The following SMC3 variants were observed in gnomAD, a reference collection of about 807,000 sequenced individuals.
SMC3 encodes structural maintenance of chromosomes protein 3.
SMC3 carries 20 observed loss-of-function variants against 171.8 expected under a neutral mutation model. The observed-to-expected ratio is 0.12, with a 90% confidence interval of 0.08 to 0.17. The LOEUF is 0.17. SMC3 is among the 10% of genes least tolerant of loss of function. The pLI is 1.00. For missense variants in SMC3, 543 were observed against 1,420.4 expected (o/e 0.38, Z 9.93); for synonymous variants, 464 against 451.1 (o/e 1.03, Z -0.36).
Position 110,583,369 on chromosome 10 carries a change from A to T in SMC3, c.805-15A>T. ...CTTCTAATTGCCTTATTTTCTGTTT[A>T]ATACTTTTGAATAGGATATCGAACG... On this transcript the variant is annotated splice_polypyrimidine_tract_variant and intron_variant, in intron 10 of 28. Coordinates refer to ENST00000361804, the MANE Select transcript of SMC3 (RefSeq NM_005445.4). The T allele has an allele frequency of 1.2e-6, 2 of 1,605,944 alleles. No homozygotes were observed. The highest frequency in any genetic ancestry group is 1.7e-6 in the Non-Finnish European group (2 of 1,173,814).
chr10:110,574,095 A>G (rs537057425), intron 3 of SMC3, among the ~76,000 whole-genome samples: 2 of 152,358 alleles, frequency 1.3e-5, no homozygotes, highest in Non-Finnish European at 2.9e-5. Context: ...GTAATATATA[A>G]ATGTTATAAA....
At chr10:110,597,418 A>G (rs1043434670) in intron 19 of SMC3, among the ~76,000 whole-genome samples, 6 of 152,216 alleles carry the variant, frequency 3.9e-5, no homozygotes, top group African/African-American at 1.4e-4. Flanking sequence ...TTTGCCACAC[A>G]AGTTGAAAAA....
At chr10:110,601,933 T>C in intron 24 of SMC3, 33 bp from the exon 25 acceptor site, 1 of 1,606,956 alleles carries the variant, frequency 6.2e-7, no homozygotes. Context: ...GTATATAAAT[T>C]TATTTATATG....
At chr10:110,598,921 T>A (rs1467154822) in intron 20 of SMC3, among the ~76,000 whole-genome samples, 1 of 152,176 alleles carries the variant, frequency 6.6e-6, no homozygotes, top group Non-Finnish European at 1.5e-5. Context: ...TGATTCCGTT[T>A]TGTCCAGATT....
chr10:110,575,325 T>G lies in SMC3; in HGVS notation c.131-11T>G, dbSNP rs1273135626. The stretch of plus-strand genomic sequence containing the variant: ...TTTAGGGTATACTAATAGTTGTTTT[T>G]GTATTTCCAGCAATTCAGTTTGTTC... On this transcript the variant is annotated splice_polypyrimidine_tract_variant and intron_variant, in intron 3 of 28. Coordinates refer to ENST00000361804, the MANE Select transcript of SMC3 (RefSeq NM_005445.4). 1 of 1,611,450 alleles carries G rather than the reference T, an allele frequency of 6.2e-7. No individual in the cohort carries two copies. Among genetic ancestry groups the G allele is most frequent in the Admixed American group, 1.7e-5 (1 of 60,020 alleles).
At chr10:110,592,333 G>A (rs927414821) in intron 17 of SMC3, among the ~76,000 whole-genome samples, 2 of 152,058 alleles carry the variant, frequency 1.3e-5, no homozygotes, top group Admixed American at 6.6e-5. Flanking sequence ...GGCAGTGGTC[G>A]TTTCTCGCAG....
chr10:110,569,056 A>G (rs768621916), intron 2 of SMC3, 43 bp downstream of exon 2: 1 of 1,205,698 alleles, frequency 8.3e-7, no homozygotes, highest in South Asian at 1.2e-5. Context: ...TAGTCTATAC[A>G]GATAATGTAA....
Position 110,567,750 on chromosome 10 carries a change from C to G in SMC3, c.-67C>G. ...GGGGAGGGGTCGCGTAGGCGCCTCA[C>G]CTGACCCTGCGGCCGTGCGGTTGCT... On this transcript the variant is annotated 5_prime_UTR_variant, in exon 1 of 29. Transcript: ENST00000361804. 5 of 1,603,298 alleles carry G rather than the reference C, an allele frequency of 3.1e-6. No homozygotes were observed. In the South Asian group the frequency reaches 3.3e-5, roughly 11 times the overall value.
At chr10:110,601,172 T>C in intron 23 of SMC3, 42 bp downstream of exon 23, 1 of 1,367,740 alleles carries the variant, frequency 7.3e-7, no homozygotes, top group Non-Finnish European at 1.0e-6. Flanking sequence ...ATGCATGTTT[T>C]ATAAAATTGT....
At chr10:110,588,622 T>A (rs1369135076) in intron 13 of SMC3, among the ~76,000 whole-genome samples, 3 of 152,216 alleles carry the variant, frequency 2.0e-5, no homozygotes, top group African/African-American at 7.2e-5. Context: ...CCAGCTCTTC[T>A]AAGAATGCCT....
rs557162352 is a variant in SMC3, at chr10:110,568,332, C to T, written c.15+501C>T. ...TCACTGCGGGGAGCCGTTCTTCTCC[C>T]CAGTTAACCCGCGAAGTGAGCGGGA... On this transcript the variant is annotated intron_variant, in intron 1 of 28. Transcript: ENST00000361804. The T allele has an allele frequency of 2.3e-3, 418 of 178,176 alleles. 2 individuals carry two copies. Among genetic ancestry groups the T allele is most frequent in the African/African-American group, 9.1e-3 (380 of 41,934 alleles). The allele number at this position is 178,176 out of a possible 1,614,324, so 11.0% of individuals were successfully genotyped here.
chr10:110,587,357 T>C (rs1265571506), intron 13 of SMC3, among the ~76,000 whole-genome samples: 1 of 152,042 alleles, frequency 6.6e-6, no homozygotes, highest in African/African-American at 2.4e-5. Context: ...CAGATACACC[T>C]GGAAAAAAAC....
At chr10:110,597,213 G>A (rs1861314330) in intron 19 of SMC3, among the ~76,000 whole-genome samples, 7 of 150,744 alleles carry the variant, frequency 4.6e-5, no homozygotes, top group Admixed American at 4.6e-4. Flanking sequence ...GTTATTTGGT[G>A]CAGATTTAAT....
intron 1 of SMC3, among the ~76,000 whole-genome samples, chr10:110,568,171 GGCGGCC>G (rs1860806041): frequency 6.6e-6 from 1 of 152,090 alleles, no homozygotes; most frequent in African/African-American, 2.4e-5. Flanking sequence ...ACCCCGCCGG[GGCGGCC>G]GCGGGCGGGA....
chr10:110,598,310 G>A lies in SMC3; in HGVS notation c.2268+20G>A, dbSNP rs1346475656. 1 of 1,607,616 alleles carries A rather than the reference G, an allele frequency of 6.2e-7. No homozygotes were observed. Among genetic ancestry groups the A allele is most frequent in the Admixed American group, 1.7e-5 (1 of 60,000 alleles). ...CCTAAGGTTCGTAAGTATATCTTTGGTTATAGATCGATTGTTACAGATTAA... is the reference window on the plus strand; with the variant it reads ...CCTAAGGTTCGTAAGTATATCTTTGATTATAGATCGATTGTTACAGATTAA... On this transcript the variant is annotated intron_variant, in intron 20 of 28. Transcript: ENST00000361804.
At chr10:110,590,348 A>G in intron 15 of SMC3, 64 bp from the exon 16 acceptor site, 1 of 1,382,446 alleles carries the variant, frequency 7.2e-7, no homozygotes, top group East Asian at 2.3e-5. Context: ...TTGTGGGCTC[A>G]TTCCTTACCA....
intron 4 of SMC3, among the ~76,000 whole-genome samples, chr10:110,576,143 CAA>C (rs1396281390): frequency 2.0e-5 from 3 of 152,076 alleles, no homozygotes; most frequent in African/African-American, 7.2e-5. Flanking sequence ...TGATCTAACA[CAA>C]AAGTCTGTTT....
intron 2 of SMC3, among the ~76,000 whole-genome samples, chr10:110,571,142 C>T (rs1056461272): frequency 2.0e-5 from 3 of 152,142 alleles, no homozygotes; most frequent in African/African-American, 7.2e-5. Context: ...AATCCTTTTA[C>T]TCAGAGATAA....
intron 13 of SMC3, among the ~76,000 whole-genome samples, chr10:110,586,980 A>G (rs1861128764): frequency 6.6e-6 from 1 of 152,206 alleles, no homozygotes. Context: ...GCCTCTTGGT[A>G]TAATCCTAAA....
Sources: allele counts gnomAD v4.1 joint callset (sites outside exome capture counted in the v4.1 genomes callset), GRCh38; gene constraint gnomAD v4.1.1; transcripts MANE v1.5; gene names NCBI Gene and HGNC (gene_info 2026-07-23, HGNC 2026-07-21).